Variants in GRIA3 observed in about 807,000 individuals in gnomAD.
GRIA3 encodes glutamate ionotropic receptor AMPA type subunit 3.
Under a neutral mutation model 63.0 loss-of-function variants are expected in GRIA3, and 3 were observed. The ratio of observed to expected loss-of-function variants is 0.05; its 90% CI spans 0.02 to 0.12. GRIA3 has a LOEUF of 0.12. GRIA3 is among the 10% of genes least tolerant of loss of function. The probability of loss-of-function intolerance (pLI) is 1.00; values close to 1 mark genes in which losing one functional copy is unlikely to be tolerated. For synonymous variants in GRIA3, 274 were observed against 257.9 expected (o/e 1.06, Z -0.60); for missense variants, 347 against 700.9 (o/e 0.50, Z 5.70).
At chrX:123,436,651 A>T (rs2045645910) in intron 12 of GRIA3, among the ~76,000 whole-genome samples, 1 of 111,973 alleles carries the variant, frequency 8.9e-6, no homozygotes. Context: ...AGAGCGTTTC[A>T]CAGCCCAGAA....
intron 5 of GRIA3, among the ~76,000 whole-genome samples, chrX:123,365,668 G>T (rs1280300018): frequency 4.5e-5 from 5 of 111,799 alleles, no homozygotes; most frequent in Non-Finnish European, 9.4e-5. Flanking sequence ...AATAATCTAG[G>T]CCAGTGGTTC....
intron 5 of GRIA3, among the ~76,000 whole-genome samples, chrX:123,371,073 C>G (rs1221590320): frequency 1.1e-5 from 1 of 92,452 alleles, no homozygotes. Flanking sequence ...CCATCCTTCT[C>G]TATGGCCATG....
chrX:123,189,404 G>GTCCCA (rs1184348160), intron 2 of GRIA3, among the ~76,000 whole-genome samples: 1 of 112,427 alleles, frequency 8.9e-6, no homozygotes, highest in Non-Finnish European at 1.9e-5. Flanking sequence ...GGACTGATGT[G>GTCCCA]TCCCATCGTG....
At chrX:123,360,437 C>T (rs886905350) in intron 5 of GRIA3, among the ~76,000 whole-genome samples, 6 of 105,162 alleles carry the variant, frequency 5.7e-5, no homozygotes, top group Admixed American at 3.1e-4. Flanking sequence ...AATCCTAGCA[C>T]TTTGGGAGGC....
intron 2 of GRIA3, among the ~76,000 whole-genome samples, chrX:123,235,880 T>C (rs2044299075): frequency 9.1e-6 from 1 of 110,298 alleles, no homozygotes; most frequent in Admixed American, 9.7e-5. Context: ...ATACCTTCAT[T>C]AAAATGTCTT....
chrX:123,379,225 A>AT (rs1431456148), intron 5 of GRIA3, among the ~76,000 whole-genome samples: 1 of 110,849 alleles, frequency 9.0e-6, no homozygotes, highest in Non-Finnish European at 1.9e-5. Flanking sequence ...TCACCATTTT[A>AT]TTTCCCTTTT....
intron 3 of GRIA3, among the ~76,000 whole-genome samples, chrX:123,298,023 G>T (rs763431461): frequency 1.8e-5 from 2 of 111,008 alleles, no homozygotes; most frequent in African/African-American, 3.3e-5. Flanking sequence ...ATGGCCTCCA[G>T]CTCCATCAAT....
At chrX:123,445,239 A>G (rs1388497686) in intron 12 of GRIA3, among the ~76,000 whole-genome samples, 1 of 111,752 alleles carries the variant, frequency 8.9e-6, no homozygotes, top group Non-Finnish European at 1.9e-5. Context: ...GAGTGCCATC[A>G]TCTCCCAAAC....
chrX:123,310,609 G>A (rs1429089832), intron 3 of GRIA3, among the ~76,000 whole-genome samples: 1 of 112,989 alleles, frequency 8.9e-6, no homozygotes, highest in Non-Finnish European at 1.9e-5. Context: ...ATCAGGGTAA[G>A]GGAGCAGAAA....
At chrX:123,465,591 G>T in intron 13 of GRIA3, 1 of 733,958 alleles carries the variant, frequency 1.4e-6, no homozygotes, top group Non-Finnish European at 2.1e-6. Context: ...TAGCCAATTT[G>T]TCCTCTTGTG....
At chrX:123,232,016 T>A (rs2044278658) in intron 2 of GRIA3, among the ~76,000 whole-genome samples, 1 of 111,824 alleles carries the variant, frequency 8.9e-6, no homozygotes, top group South Asian at 3.8e-4. Flanking sequence ...AAAGGTCACA[T>A]CCTCATCCTT....
At chrX:123,347,628 G>A (rs2045060486) in intron 4 of GRIA3, among the ~76,000 whole-genome samples, 1 of 111,313 alleles carries the variant, frequency 9.0e-6, no homozygotes, top group Admixed American at 9.6e-5. Context: ...CCACTCGGAG[G>A]CTCCATTGTT....
chrX:123,421,116 AGC>A (rs2045562346), intron 11 of GRIA3, among the ~76,000 whole-genome samples: 2 of 111,634 alleles, frequency 1.8e-5, no homozygotes, highest in Non-Finnish European at 3.8e-5. Flanking sequence ...GAATAACACT[AGC>A]CTAGAGTAAC....
chrX:123,438,948 C>T (rs2045659241), intron 12 of GRIA3, among the ~76,000 whole-genome samples: 2 of 112,335 alleles, frequency 1.8e-5, no homozygotes, highest in Non-Finnish European at 1.9e-5. Context: ...TGCTGGATAA[C>T]TGGTGTTGGG....
At chrX:123,460,312 C>T (rs930655636) in intron 12 of GRIA3, among the ~76,000 whole-genome samples, 1 of 111,719 alleles carries the variant, frequency 9.0e-6, no homozygotes, top group Non-Finnish European at 1.9e-5. Flanking sequence ...ACAAATATGT[C>T]TGAAGTCTCC....
intron 12 of GRIA3, among the ~76,000 whole-genome samples, chrX:123,452,518 A>G (rs2045738689): frequency 9.0e-6 from 1 of 111,423 alleles, no homozygotes; most frequent in Non-Finnish European, 1.9e-5. Flanking sequence ...AAACATTGCA[A>G]TTTCAGGATA....
chrX:123,435,589 AAAAGG>A (rs2045639776), intron 12 of GRIA3, among the ~76,000 whole-genome samples: 1 of 112,033 alleles, frequency 8.9e-6, no homozygotes, highest in African/African-American at 3.2e-5. Flanking sequence ...GATCAATTAG[AAAAGG>A]AAATCTATGC....
chrX:123,354,867 T>G, intron 4 of GRIA3, 43 bp from the exon 5 acceptor site: 1 of 1,012,853 alleles, frequency 9.9e-7, no homozygotes, highest in Non-Finnish European at 1.4e-6. Flanking sequence ...ATTGAAAATG[T>G]CCTTCTTGAA....
At chrX:123,270,879 C>T (rs1412823263) in intron 3 of GRIA3, among the ~76,000 whole-genome samples, 1 of 112,358 alleles carries the variant, frequency 8.9e-6, no homozygotes, top group Non-Finnish European at 1.9e-5. Context: ...AGTAATTTCA[C>T]ATTTAGTTAC....
Sources: allele counts gnomAD v4.1 joint callset (sites outside exome capture counted in the v4.1 genomes callset), GRCh38; gene constraint gnomAD v4.1.1; transcripts MANE v1.5; gene names NCBI Gene and HGNC (gene_info 2026-07-23, HGNC 2026-07-21).